The following ZNF462 variants were observed in gnomAD, a reference collection of about 807,000 sequenced individuals.
The protein encoded by ZNF462 is zinc finger protein 462, also known as zinc finger PBX1-interacting protein.
In ZNF462, 10 loss-of-function variants were observed where a neutral mutation model predicts 201.9. That is an observed-to-expected ratio of 0.05 (90% confidence interval 0.03 to 0.08). The LOEUF (loss-of-function observed/expected upper bound fraction) is 0.08, where lower values mean the gene tolerates loss of function less well. Ranked by LOEUF, ZNF462 falls within the 10% of genes least tolerant of loss-of-function variation. The pLI is 1.00. For missense variants in ZNF462, 2,523 were observed against 3,168.3 expected, an observed-to-expected ratio of 0.80 and a Z score of 4.89; for synonymous variants, 1,227 against 1,193.3, an observed-to-expected ratio of 1.03 and a Z score of -0.58.
chr9:106,956,693 CTA>C (rs1268652374), intron 7 of ZNF462, among the ~76,000 whole-genome samples: 1 of 152,194 alleles, frequency 6.6e-6, no homozygotes, highest in Non-Finnish European at 1.5e-5. Flanking sequence ...CTTCTCTTAG[CTA>C]TATCTTCTGG....
At position 106,972,097 on chromosome 9, in the gene ZNF462, G is replaced by T; in HGVS notation, c.6520G>T (p.Val2174Leu). ...AAGGAACAACAGCCGTGTTAGCCCT[G>T]TGCCTCTTTCTGGGGCTGCTGCTGG... The part of the protein sequence containing the change: ...LARNNSRVSP[V>L]PLSGAAAGTE... Residue 2174 changes from valine to leucine, a missense_variant, in exon 8 of 13, where the codon GTG (valine) becomes TTG (leucine). By Grantham distance (32) the Val-to-Leu change is conservative. Coordinates refer to ENST00000277225, the MANE Select transcript of ZNF462 (RefSeq NM_021224.6). The surrounding 1 kb of genome is among the most constrained non-coding windows in gnomAD (Gnocchi z 4.8). 1.2e-6 allele frequency: 2 copies of T among 1,614,182 alleles called. No individual in the cohort carries two copies. Among genetic ancestry groups the T allele is most frequent in the Non-Finnish European group, 1.7e-6 (2 of 1,180,032 alleles).
intron 7 of ZNF462, among the ~76,000 whole-genome samples, chr9:106,958,174 G>C (rs913254494): frequency 6.6e-6 from 1 of 151,996 alleles, no homozygotes; most frequent in Non-Finnish European, 1.5e-5. Context: ...TTTTCTCACA[G>C]TGGGAATGCA....
intron 7 of ZNF462, among the ~76,000 whole-genome samples, chr9:106,946,078 A>G (rs748124999): frequency 6.6e-6 from 1 of 152,228 alleles, no homozygotes; most frequent in Non-Finnish European, 1.5e-5. Context: ...CAACTAATTC[A>G]TCTCCCTGTT....
chr9:106,992,128 T>C (rs749477245), intron 10 of ZNF462, among the ~76,000 whole-genome samples: 2 of 151,874 alleles, frequency 1.3e-5, no homozygotes, highest in Non-Finnish European at 2.9e-5. Flanking sequence ...TTTAAAGAAA[T>C]CTTACAACTC....
chr9:106,869,355 A>T (rs367746864), intron 1 of ZNF462, among the ~76,000 whole-genome samples: 2 of 152,154 alleles, frequency 1.3e-5, no homozygotes, highest in African/African-American at 4.8e-5. Flanking sequence ...CCATTTTCCC[A>T]GTATACATGA....
intron 7 of ZNF462, among the ~76,000 whole-genome samples, chr9:106,955,762 A>G (rs1443129632): frequency 6.6e-6 from 1 of 152,190 alleles, no homozygotes; most frequent in Non-Finnish European, 1.5e-5. Flanking sequence ...CAGTGTTCGC[A>G]ACATCTTCAT....
chr9:106,912,658 T>C (rs542350351), intron 1 of ZNF462, among the ~76,000 whole-genome samples: 2 of 152,264 alleles, frequency 1.3e-5, no homozygotes, highest in Admixed American at 6.5e-5. Flanking sequence ...GCCAGAAGGC[T>C]TGGGCAGGTT....
rs879885736 is a variant in ZNF462 at position 107,009,859 on chromosome 9, G to A, written c.7313+191G>A. ...TGTTTTTTAAAATGGTCACCCAGCC[G>A]CAAGTCAAATAGGGAAAAAAATCGT... On this transcript the variant is annotated intron_variant, in intron 12 of 12. Transcript: ENST00000277225. The surrounding 1 kb of genome is among the most constrained non-coding windows in gnomAD (Gnocchi z 6.1). Among the ~76,000 whole-genome samples the A allele has an allele frequency of 6.6e-6, 1 of 152,078 alleles. No individual in the cohort carries two copies. Among genetic ancestry groups the A allele is most frequent in the Non-Finnish European group, 1.5e-5 (1 of 68,012 alleles).
intron 10 of ZNF462, among the ~76,000 whole-genome samples, chr9:106,991,839 TACACACACACACACACACAC>T (rs200978759): frequency 1.6e-3 from 213 of 136,350 alleles, no homozygotes; most frequent in Non-Finnish European, 2.3e-3. Context: ...CAGCACTCTC[TACACACACACACACACACAC>T]ACACACACAC....
At chr9:106,864,895 C>T (rs565584252) in intron 1 of ZNF462, among the ~76,000 whole-genome samples, 2 of 151,994 alleles carry the variant, frequency 1.3e-5, no homozygotes, top group Non-Finnish European at 1.5e-5. Context: ...TCAGGTAAGC[C>T]GTGTCATGTT....
intron 9 of ZNF462, among the ~76,000 whole-genome samples, chr9:106,979,718 G>T (rs1306551990): frequency 6.8e-6 from 1 of 147,202 alleles, no homozygotes; most frequent in East Asian, 1.9e-4. Flanking sequence ...CTATTGAGTT[G>T]ATCACCATTG....
intron 1 of ZNF462, among the ~76,000 whole-genome samples, chr9:106,916,038 C>T (rs1356621652): frequency 6.6e-6 from 1 of 152,168 alleles, no homozygotes; most frequent in Non-Finnish European, 1.5e-5. Flanking sequence ...GAGCAAGTCT[C>T]AGGGAGATTA....
In ZNF462 at chr9:106,924,947, G is replaced by C; in HGVS notation, c.1035G>C (p.Gln345His). ...AGTTTTCGCCCATGTCTTACCCTCA[G>C]ATGAAGCCGAAGTCACCTCACAATT... ...ASKFSPMSYP[Q>H]MKPKSPHNSG... Residue 345 changes from glutamine to histidine, a missense_variant, in exon 3 of 13, where the codon CAG (glutamine) becomes CAC (histidine). By Grantham distance (24) the Gln-to-His change is conservative. Around this residue, in one of 15 missense-constraint regions of ZNF462, gnomAD observed 480 missense variants for 544.4 expected, o/e 0.88. Transcript: ENST00000277225. This position sits in a 1 kb window ranked among gnomAD's most constrained non-coding sequence, Gnocchi z 6.2. 4 of 1,614,200 alleles carry C rather than the reference G, an allele frequency of 2.5e-6. No homozygotes were observed. The highest frequency in any genetic ancestry group is 3.4e-6 in the Non-Finnish European group (4 of 1,180,042).
rs1467022821 is a variant in ZNF462, at chr9:106,924,936, T to C, written c.1024T>C (p.Ser342Pro). 6.2e-7 allele frequency: 1 copy of C among 1,614,180 alleles called. No individual in the cohort carries two copies. The highest frequency in any genetic ancestry group is 1.7e-5 in the Admixed American group (1 of 60,008). The change falls in exon 3 of 13, where the codon TCT (serine) becomes CCT (proline). Residue 342 changes from serine (S) to proline (P), a missense_variant. Coordinates refer to ENST00000277225, the MANE Select transcript of ZNF462 (RefSeq NM_021224.6). The surrounding 1 kb of genome is among the most constrained non-coding windows in gnomAD (Gnocchi z 6.2). The stretch of plus-strand genomic sequence containing the variant: ...TTCAGCTTCCAAGTTTTCGCCCATG[T>C]CTTACCCTCAGATGAAGCCGAAGTC... ...NSSASKFSPM[S>P]YPQMKPKSPH...
At chr9:106,898,236 C>T (rs1187153340) in intron 1 of ZNF462, among the ~76,000 whole-genome samples, 5 of 152,260 alleles carry the variant, frequency 3.3e-5, no homozygotes, top group Admixed American at 3.3e-4. Context: ...AACACAGTCC[C>T]TGCTTTCAAG....
chr9:106,932,326 G>A lies in ZNF462; in HGVS notation c.6013-120G>A. The stretch of plus-strand genomic sequence containing the variant: ...ATTGGAAGCAGCCAAAGACGCCAGT[G>A]GCGCCCTGGTGGGCCGGGTGGATGG... On this transcript the variant is annotated intron_variant, in intron 4 of 12. Transcript: ENST00000277225. This position sits in a 1 kb window ranked among gnomAD's most constrained non-coding sequence, Gnocchi z 6.8. The A allele has an allele frequency of 6.4e-7, 1 of 1,559,762 alleles. No homozygotes were observed. Among genetic ancestry groups the A allele is most frequent in the South Asian group, 1.2e-5 (1 of 85,106 alleles).
At position 106,926,653 on chromosome 9, in the gene ZNF462, A is replaced by G; in HGVS notation, c.2741A>G (p.Asn914Ser). The G allele has an allele frequency of 1.9e-6, 3 of 1,614,062 alleles. No homozygotes were observed. The highest frequency in any genetic ancestry group is 2.5e-6 in the Non-Finnish European group (3 of 1,180,004). The part of the protein sequence containing the change: ...HYGEHHPEAM[N>S]VLNFDHSDLI... ...GGCGAGCACCACCCAGAAGCCATGA[A>G]TGTACTCAACTTTGATCACTCGGAC... Residue 914 changes from asparagine to serine, a missense_variant, in exon 3 of 13, where the codon AAT becomes AGT. This residue lies in a region of ZNF462 where 280 missense variants were observed against 321.3 expected (regional missense o/e 0.87). Transcript: ENST00000277225. This position sits in a 1 kb window ranked among gnomAD's most constrained non-coding sequence, Gnocchi z 7.9.
At chr9:106,879,782 G>A (rs1171839168) in intron 1 of ZNF462, among the ~76,000 whole-genome samples, 2 of 152,056 alleles carry the variant, frequency 1.3e-5, no homozygotes, top group East Asian at 3.9e-4. Context: ...TAGTTCCCCT[G>A]GAAAGAAAGC....
Position 106,974,020 on chromosome 9 carries a change from G to T in ZNF462, c.6696-117G>T. On this transcript the variant is annotated intron_variant, in intron 8 of 12. Coordinates refer to ENST00000277225, the MANE Select transcript of ZNF462 (RefSeq NM_021224.6). This position sits in a 1 kb window ranked among gnomAD's most constrained non-coding sequence, Gnocchi z 4.0. ...AACATGATGAACAGATTTTTTTTTA[G>T]CCCCACAAGCAGGAGAGCCGCACTT... 7.5e-7 allele frequency: 1 copy of T among 1,340,272 alleles called. No homozygotes were observed. Among genetic ancestry groups the T allele is most frequent in the Non-Finnish European group, 1.0e-6 (1 of 977,888 alleles). 83.0% of individuals were successfully genotyped at this position (1,340,272 alleles called of 1,614,324 possible).
Sources: gnomAD v4.1 joint callset for allele counts (sites outside exome capture counted in the v4.1 genomes callset) on GRCh38, gnomAD v4.1.1 for gene constraint, gnomAD v4.1.1 regional missense constraint, Gnocchi (gnomAD v3.1) non-coding constraint, MANE v1.5 for transcripts, NCBI Gene and HGNC (gene_info 2026-07-23, HGNC 2026-07-21) for gene names.